The following DLG2 variants were observed in gnomAD, a reference collection of about 807,000 sequenced individuals.
DLG2 encodes the protein discs large MAGUK scaffold protein 2.
Under a neutral mutation model 132.5 loss-of-function variants are expected in DLG2, and 45 were observed. The observed-to-expected ratio is 0.34, with a 90% CI of 0.27 to 0.44. The LOEUF is 0.44. DLG2 is among the 20% of genes least tolerant of loss of function. The probability of loss-of-function intolerance (pLI) is 1.00; values close to 1 mark genes in which losing one functional copy is unlikely to be tolerated. For synonymous variants in DLG2, 424 were observed against 419.6 expected, an observed-to-expected ratio of 1.01 and a Z score of -0.13; for missense variants, 1,045 against 1,196.9, an observed-to-expected ratio of 0.87 and a Z score of 1.87.
At chr11:84,461,980 G>A (rs1351784667) in intron 7 of DLG2, among the ~76,000 whole-genome samples, 1 of 150,854 alleles carries the variant, frequency 6.6e-6, no homozygotes. Context: ...GATAGGAAAA[G>A]ACATCAGAAA....
At chr11:84,480,841 C>A (rs550307109) in intron 7 of DLG2, among the ~76,000 whole-genome samples, 1 of 150,190 alleles carries the variant, frequency 6.7e-6, no homozygotes, top group Non-Finnish European at 1.5e-5. Context: ...CGGGTTCAAG[C>A]GATTCTCCTG....
intron 5 of DLG2, 39 bp downstream of exon 5, chr11:85,154,517 A>C (rs1406769665): frequency 1.0e-6 from 1 of 998,658 alleles, no homozygotes; most frequent in Non-Finnish European, 1.5e-6. Context: ...AGTCTTACCC[A>C]TGAAGCCTAG....
intron 12 of DLG2, among the ~76,000 whole-genome samples, chr11:83,973,319 A>G (rs1158822931): frequency 1.3e-5 from 2 of 152,148 alleles, no homozygotes; most frequent in East Asian, 1.9e-4. Flanking sequence ...TACACTGAGT[A>G]TAAGCAAAAT....
intron 7 of DLG2, among the ~76,000 whole-genome samples, chr11:84,281,061 TA>T (rs2097850106): frequency 1.3e-5 from 2 of 151,970 alleles, no homozygotes; most frequent in Non-Finnish European, 2.9e-5. Context: ...GGCAACTTAA[TA>T]AAGGAAAGAT....
chr11:84,155,478 T>C (rs545048677), intron 9 of DLG2, among the ~76,000 whole-genome samples: 23 of 151,214 alleles, frequency 1.5e-4, no homozygotes, highest in African/African-American at 5.1e-4. Flanking sequence ...TCTAGTCCCC[T>C]ATGTTACTTC....
chr11:84,058,506 CAAT>C (rs900276483), intron 11 of DLG2, among the ~76,000 whole-genome samples: 23 of 128,160 alleles, frequency 1.8e-4, no homozygotes, highest in South Asian at 4.7e-4. Flanking sequence ...AAAACAAATA[CAAT>C]AATAATAATA....
At chr11:85,353,248 T>G (rs898038910) in intron 3 of DLG2, among the ~76,000 whole-genome samples, 1 of 152,170 alleles carries the variant, frequency 6.6e-6, no homozygotes, top group African/African-American at 2.4e-5. Flanking sequence ...TGCTCATCAT[T>G]ACTGGCCATC....
intron 6 of DLG2, among the ~76,000 whole-genome samples, chr11:85,103,833 C>T (rs2071267905): frequency 6.6e-6 from 1 of 151,772 alleles, no homozygotes; most frequent in African/African-American, 2.4e-5. Context: ...TGATAAGGGA[C>T]TAATATCCAG....
chr11:85,116,620 G>A (rs1431905872), intron 5 of DLG2, among the ~76,000 whole-genome samples: 1 of 151,778 alleles, frequency 6.6e-6, no homozygotes, highest in Non-Finnish European at 1.5e-5. Flanking sequence ...AGAGTGAGAT[G>A]TTTAAAAAAA....
intron 7 of DLG2, among the ~76,000 whole-genome samples, chr11:84,330,004 G>A (rs1282440432): frequency 1.3e-5 from 2 of 151,876 alleles, no homozygotes; most frequent in Non-Finnish European, 1.5e-5. Flanking sequence ...TATAAAATAA[G>A]CTTTCACACC....
chr11:83,485,533 C>T (rs753691807), intron 21 of DLG2, among the ~76,000 whole-genome samples: 5 of 152,088 alleles, frequency 3.3e-5, no homozygotes, highest in South Asian at 2.1e-4. Context: ...TGTTACCACA[C>T]GGCTATTGAA....
chr11:85,412,307 CA>C (rs1043632082), intron 3 of DLG2, among the ~76,000 whole-genome samples: 1 of 151,766 alleles, frequency 6.6e-6, no homozygotes, highest in African/African-American at 2.4e-5. Context: ...TGAGGAAGAA[CA>C]GCCCTAGGAT....
intron 17 of DLG2, among the ~76,000 whole-genome samples, chr11:83,801,466 T>C (rs1031336992): frequency 6.6e-6 from 1 of 152,204 alleles, no homozygotes; most frequent in Admixed American, 6.5e-5. Context: ...TTATTCCATC[T>C]TATTCCACTC....
intron 6 of DLG2, among the ~76,000 whole-genome samples, chr11:84,610,461 T>C (rs947991662): frequency 6.6e-6 from 1 of 152,052 alleles, no homozygotes; most frequent in Non-Finnish European, 1.5e-5. Context: ...TCATAAAAGG[T>C]TCCAGATAGT....
intron 18 of DLG2, among the ~76,000 whole-genome samples, chr11:83,699,734 A>T (rs1424455857): frequency 1.4e-5 from 2 of 146,778 alleles, no homozygotes; most frequent in African/African-American, 2.6e-5. Context: ...AATAATTTAA[A>T]AATAATAATA....
rs573254036 is a variant in DLG2 at position 85,149,811 on chromosome 11, G to A, written c.282+4745C>T. On this transcript the variant is annotated intron_variant, in intron 5 of 27. Coordinates refer to ENST00000376104, the MANE Select transcript of DLG2 (RefSeq NM_001142699.3). Reference sequence around the variant, plus strand: ...AACTTGACCAGATGGAATGAGCTACGTTGGGAGGTGGTATATATCCTACAA... The same window carrying A: ...AACTTGACCAGATGGAATGAGCTACATTGGGAGGTGGTATATATCCTACAA... Among the ~76,000 whole-genome samples, 8 of 152,096 alleles carry A rather than the reference G, an allele frequency of 5.3e-5. No homozygotes were observed. The East Asian group carries it at 7.8e-4, about 15-fold the overall frequency.
intron 7 of DLG2, among the ~76,000 whole-genome samples, chr11:84,446,268 A>G (rs1256141355): frequency 2.0e-5 from 3 of 151,832 alleles, no homozygotes. Context: ...TGTTTTTATT[A>G]TGATTTTTCT....
chr11:84,516,050 G>C (rs1430041382), intron 7 of DLG2, among the ~76,000 whole-genome samples: 1 of 150,822 alleles, frequency 6.6e-6, no homozygotes, highest in African/African-American at 2.4e-5. Flanking sequence ...GAAAATGAGA[G>C]CACAATATAC....
chr11:83,907,124 A>G (rs1273587683), intron 15 of DLG2, among the ~76,000 whole-genome samples: 6 of 152,174 alleles, frequency 3.9e-5, no homozygotes, highest in African/African-American at 1.4e-4. Context: ...TGAACACTTA[A>G]TATGGGAGAA....
Sources: allele counts gnomAD v4.1 joint callset (sites outside exome capture counted in the v4.1 genomes callset), GRCh38; gene constraint gnomAD v4.1.1; transcripts MANE v1.5; gene names NCBI Gene and HGNC (gene_info 2026-07-23, HGNC 2026-07-21).